PRR16: variants seen among roughly 807,000 people sequenced by gnomAD.
PRR16 encodes proline rich 16.
A neutral mutation model predicts 18.2 loss-of-function variants in PRR16; 6 were observed. The observed-to-expected ratio is 0.33, with a 90% CI of 0.18 to 0.65. PRR16 has a LOEUF of 0.65. PRR16 is among the 30% of genes least tolerant of loss of function. The pLI, the probability that PRR16 is intolerant of heterozygous loss-of-function variation, is 0.74. For missense variants in PRR16, 412 were observed against 376.6 expected, an observed-to-expected ratio of 1.09 and a Z score of -0.78; for synonymous variants, 151 against 147.8, an observed-to-expected ratio of 1.02 and a Z score of -0.16.
the PRR16 span, among the ~76,000 whole-genome samples, chr5:120,703,207 A>G: frequency 1.3e-5 from 2 of 152,188 alleles, no homozygotes; most frequent in Admixed American, 6.5e-5. Flanking sequence ...AGGATGAGCC[A>G]GGAAAAGGAT....
At chr5:120,737,139 T>C in the PRR16 span, among the ~76,000 whole-genome samples, 1 of 152,144 alleles carries the variant, frequency 6.6e-6, no homozygotes, top group Non-Finnish European at 1.5e-5. Context: ...GGCTAAGACT[T>C]CCAGTACTAT....
intron 1 of PRR16, among the ~76,000 whole-genome samples, chr5:120,491,239 T>A (rs11958925): frequency 0.15 from 22,989 of 152,114 alleles, 1,831 homozygotes; most frequent in Non-Finnish European, 0.18. Context: ...ACACTGAATA[T>A]AGCATGAGAA....
chr5:120,556,437 G>A (rs530901005), intron 1 of PRR16, among the ~76,000 whole-genome samples: 79 of 151,704 alleles, frequency 5.2e-4, no homozygotes, highest in African/African-American at 1.7e-3. Context: ...TTCAGCTCAA[G>A]GCCATTATTT....
the PRR16 span, among the ~76,000 whole-genome samples, chr5:120,723,219 A>G: frequency 6.6e-6 from 1 of 151,956 alleles, no homozygotes; most frequent in African/African-American, 2.4e-5. Flanking sequence ...GATTTTACAC[A>G]GGACTAAGAA....
At chr5:120,784,379 C>T in the PRR16 span, among the ~76,000 whole-genome samples, 2 of 152,120 alleles carry the variant, frequency 1.3e-5, no homozygotes, top group African/African-American at 2.4e-5. Flanking sequence ...ATTATTTTCT[C>T]TATTTCATAA....
chr5:120,658,333 G>A (rs1420574687), intron 1 of PRR16: 1 of 120,892 alleles, frequency 8.3e-6, no homozygotes, highest in African/African-American at 3.3e-5. Context: ...TGTTGTAACA[G>A]TTTCCCATGA....
Position 120,637,934 on chromosome 5 carries a change from G to A in PRR16, c.160-48020G>A, listed in dbSNP as rs113603170. 4.9e-3 allele frequency among the ~76,000 whole-genome samples: 746 copies of A among 152,258 alleles called. 2 individuals carry two copies. The highest frequency in any genetic ancestry group is 0.017 in the African/African-American group (715 of 41,572). On this transcript the variant is annotated intron_variant, in intron 1 of 1. Transcript: ENST00000407149. ...AGTAACCTTTTGTAAAATACAAGTTGAGTATCCCTTATCTGAAATGCTTGA... is the reference window on the plus strand; with the variant it reads ...AGTAACCTTTTGTAAAATACAAGTTAAGTATCCCTTATCTGAAATGCTTGA...
At chr5:120,568,914 A>T (rs1196601520) in intron 1 of PRR16, among the ~76,000 whole-genome samples, 1 of 152,088 alleles carries the variant, frequency 6.6e-6, no homozygotes, top group Admixed American at 6.5e-5. Context: ...TTCCTGACAA[A>T]CAAACACAAT....
intron 1 of PRR16, among the ~76,000 whole-genome samples, chr5:120,469,683 T>C (rs1023893803): frequency 2.0e-5 from 3 of 152,134 alleles, no homozygotes; most frequent in African/African-American, 7.2e-5. Flanking sequence ...AGTAGTTCTT[T>C]TAATTGTAGC....
intron 1 of PRR16, among the ~76,000 whole-genome samples, chr5:120,582,334 G>C (rs1315479183): frequency 6.6e-6 from 1 of 151,990 alleles, no homozygotes; most frequent in African/African-American, 2.4e-5. Flanking sequence ...AGGGTTGGAG[G>C]AATATTTATT....
the PRR16 span, among the ~76,000 whole-genome samples, chr5:120,774,236 G>GA: frequency 1.3e-5 from 2 of 152,154 alleles, no homozygotes; most frequent in Admixed American, 1.3e-4. Context: ...TACCTATGGA[G>GA]AAGGGATAAG....
chr5:120,559,329 G>A (rs1432695782), intron 1 of PRR16, among the ~76,000 whole-genome samples: 1 of 151,876 alleles, frequency 6.6e-6, no homozygotes, highest in African/African-American at 2.4e-5. Context: ...TGTATGTGAT[G>A]AGAGGTAAGG....
At chr5:120,706,694 T>G in the PRR16 span, among the ~76,000 whole-genome samples, 1 of 152,190 alleles carries the variant, frequency 6.6e-6, no homozygotes, top group African/African-American at 2.4e-5. Flanking sequence ...TCATAATAAC[T>G]CTTGTCAAAT....
chr5:120,754,525 TTA>T, the PRR16 span, among the ~76,000 whole-genome samples: 1 of 77,732 alleles, frequency 1.3e-5, no homozygotes, highest in Admixed American at 1.9e-4. Flanking sequence ...ATATTATATA[TTA>T]TATAATTATA....
chr5:120,596,555 T>C (rs1249909463), intron 1 of PRR16, among the ~76,000 whole-genome samples: 1 of 151,850 alleles, frequency 6.6e-6, no homozygotes, highest in East Asian at 1.9e-4. Context: ...GTGCAGAGGA[T>C]GAGATAATCA....
At chr5:120,763,988 G>C in the PRR16 span, among the ~76,000 whole-genome samples, 2 of 151,978 alleles carry the variant, frequency 1.3e-5, no homozygotes, top group African/African-American at 4.8e-5. Context: ...AAATGTAAGA[G>C]GATCCTCTAA....
At chr5:120,521,119 C>G (rs1751165686) in intron 1 of PRR16, among the ~76,000 whole-genome samples, 1 of 152,140 alleles carries the variant, frequency 6.6e-6, no homozygotes, top group Non-Finnish European at 1.5e-5. Context: ...TGATTTGAGA[C>G]AAAGATCTTT....
chr5:120,535,426 C>G (rs1186904276), intron 1 of PRR16, among the ~76,000 whole-genome samples: 2 of 152,128 alleles, frequency 1.3e-5, no homozygotes, highest in Non-Finnish European at 2.9e-5. Flanking sequence ...CCCTTTAACT[C>G]TTAACTATGT....
At chr5:120,703,545 C>T in the PRR16 span, among the ~76,000 whole-genome samples, 2 of 152,208 alleles carry the variant, frequency 1.3e-5, no homozygotes, top group African/African-American at 4.8e-5. Flanking sequence ...GGTAAAGATA[C>T]AGCTGCCATC....
Sources: gnomAD v4.1 joint callset for allele counts (sites outside exome capture counted in the v4.1 genomes callset) on GRCh38, gnomAD v4.1.1 for gene constraint, MANE v1.5 for transcripts, NCBI Gene and HGNC (gene_info 2026-07-23, HGNC 2026-07-21) for gene names.